The following CRACR2A variants were observed in gnomAD, a reference collection of about 807,000 sequenced individuals.
CRACR2A encodes the protein EF-hand calcium-binding domain-containing protein 4B.
CRACR2A carries 79 observed loss-of-function variants against 90.5 expected under a neutral mutation model. The observed-to-expected ratio is 0.87, with a 90% CI of 0.73 to 1.05. The LOEUF is 1.05. Ranked by LOEUF, CRACR2A falls within the 50% of genes least tolerant of loss-of-function variation. The pLI is 0.00. For missense variants in CRACR2A, 823 were observed against 897.2 expected, an observed-to-expected ratio of 0.92 and a Z score of 1.06; for synonymous variants, 338 against 356.7, an observed-to-expected ratio of 0.95 and a Z score of 0.59.
At position 3,744,677 on chromosome 12, in the gene CRACR2A, AT is replaced by A. The variant is rs879323498; in HGVS notation, c.-387+8337del. ...GAAGTGCTTTTGATTGAAGCAGATA[AT>A]TTTTTTTTTAAACCCAAACAAACAG... On this transcript the variant is annotated intron_variant, in intron 1 of 19. Transcript: ENST00000440314. 5.1e-3 allele frequency among the ~76,000 whole-genome samples: 773 copies of A among 150,846 alleles called. 5 individuals carry two copies. The highest frequency in any genetic ancestry group is 0.017 in the African/African-American group (711 of 41,196).
intron 4 of CRACR2A, among the ~76,000 whole-genome samples, chr12:3,681,026 G>T (rs867012448): frequency 6.6e-6 from 1 of 152,320 alleles, no homozygotes; most frequent in African/African-American, 2.4e-5. Flanking sequence ...CTCTCCCTAA[G>T]CCCCCTTTCC....
intron 4 of CRACR2A, among the ~76,000 whole-genome samples, chr12:3,691,609 A>T (rs918301707): frequency 2.0e-5 from 3 of 151,932 alleles, no homozygotes; most frequent in East Asian, 1.9e-4. Context: ...TCTGATTATT[A>T]TGTGTTTTGA....
At chr12:3,750,101 A>G (rs1450137769) in intron 1 of CRACR2A, among the ~76,000 whole-genome samples, 1 of 151,532 alleles carries the variant, frequency 6.6e-6, no homozygotes, top group Non-Finnish European at 1.5e-5. Flanking sequence ...AAGCCCAGCT[A>G]ATTTCTGTAT....
intron 12 of CRACR2A, among the ~76,000 whole-genome samples, chr12:3,643,650 C>T (rs889452080): frequency 8.1e-5 from 12 of 148,704 alleles, no homozygotes; most frequent in Admixed American, 1.4e-4. Flanking sequence ...CAGTGAAGAC[C>T]TTCAAATAAA....
At chr12:3,657,512 C>T (rs1009552548) in intron 8 of CRACR2A, among the ~76,000 whole-genome samples, 35 of 152,336 alleles carry the variant, frequency 2.3e-4, no homozygotes, top group African/African-American at 7.2e-4. Flanking sequence ...TGCTTCCTTG[C>T]GCATCCTCTA....
At position 3,673,451 on chromosome 12, in the gene CRACR2A, T is replaced by C. The variant is rs767897185; in HGVS notation, c.666A>G (p.Leu222=). The part of the protein sequence containing the change: ...HEEKNELECA[L]KRKIAAYDEE... ...GCTGACACTGGGGTACCCACCTTTT[T>C]AGGGCACACTCCAGTTCATTCTTCT... is the stretch of plus-strand genomic sequence containing the variant. The change falls in exon 7 of 20, where the codon CTA becomes CTG. Residue 222 remains leucine (L), a synonymous_variant. Transcript: ENST00000440314. The C allele has an allele frequency of 2.4e-5, 39 of 1,610,964 alleles. No individual in the cohort carries two copies. Among genetic ancestry groups the C allele is most frequent in the Non-Finnish European group, 3.1e-5 (37 of 1,179,238 alleles).
At chr12:3,656,993 T>C (rs779014654) in intron 8 of CRACR2A, among the ~76,000 whole-genome samples, 5 of 152,224 alleles carry the variant, frequency 3.3e-5, no homozygotes, top group Non-Finnish European at 5.9e-5. Context: ...TATCTGCTCC[T>C]TCCCTAGGCT....
At chr12:3,710,218 C>T (rs1217879123) in intron 3 of CRACR2A, among the ~76,000 whole-genome samples, 1 of 152,186 alleles carries the variant, frequency 6.6e-6, no homozygotes, top group East Asian at 1.9e-4. Flanking sequence ...CCTGTTCTCT[C>T]AGCTTTTTTG....
intron 3 of CRACR2A, among the ~76,000 whole-genome samples, chr12:3,703,249 CA>C (rs941475398): frequency 5.9e-5 from 9 of 152,124 alleles, no homozygotes; most frequent in Non-Finnish European, 1.0e-4. Flanking sequence ...CCACCACGCC[CA>C]GCTAATTTTT....
intron 3 of CRACR2A, among the ~76,000 whole-genome samples, chr12:3,702,575 T>A (rs928829822): frequency 3.9e-5 from 6 of 152,202 alleles, no homozygotes; most frequent in African/African-American, 7.2e-5. Context: ...TATGAATATA[T>A]CTGACAAAGG....
chr12:3,675,723 G>C (rs1945323640), intron 6 of CRACR2A, among the ~76,000 whole-genome samples: 1 of 151,974 alleles, frequency 6.6e-6, no homozygotes, highest in Non-Finnish European at 1.5e-5. Flanking sequence ...ATCACTTTAA[G>C]ACAAAAACCA....
chr12:3,672,663 T>C, intron 7 of CRACR2A: 1 of 713,540 alleles, frequency 1.4e-6, no homozygotes, highest in African/African-American at 1.9e-5. Flanking sequence ...ACAGTGCCCA[T>C]AACCATGCAT....
intron 2 of CRACR2A, among the ~76,000 whole-genome samples, chr12:3,725,449 C>T (rs1946247787): frequency 6.6e-6 from 1 of 152,158 alleles, no homozygotes; most frequent in South Asian, 2.1e-4. Flanking sequence ...CTCTATGTCC[C>T]TCCTCTGTGT....
chr12:3,666,331 G>GCGTGTGTGTGTT (rs1491405523), intron 7 of CRACR2A, among the ~76,000 whole-genome samples: 8 of 65,440 alleles, frequency 1.2e-4, no homozygotes, highest in Non-Finnish European at 2.5e-4. Flanking sequence ...GGACGGCTGC[G>GCGTGTGTGTGTT]TGTGTGTGTG....
chr12:3,643,856 T>TATATATAATA lies in CRACR2A; in HGVS notation c.1164+738_1164+739insTATTATATAT, dbSNP rs1478137267. Among the ~76,000 whole-genome samples, 7 of 67,346 alleles carry TATATATAATA rather than the reference T, an allele frequency of 1.0e-4. No individual in the cohort carries two copies. The East Asian group carries it at 1.9e-3, about 19-fold the overall frequency. 44.2% of individuals were successfully genotyped at this position (67,346 alleles called of 152,430 possible). ...AATATATATAATATATATTATATAT[T>TATATATAATA]TATATTATATATATTATATATATTT... is the stretch of plus-strand genomic sequence containing the variant. On this transcript the variant is annotated intron_variant, in intron 12 of 19. Coordinates refer to ENST00000440314, the MANE Select transcript of CRACR2A (RefSeq NM_001144958.2).
chr12:3,683,448 A>G (rs763196638), intron 4 of CRACR2A, among the ~76,000 whole-genome samples: 2 of 152,224 alleles, frequency 1.3e-5, no homozygotes, highest in Admixed American at 6.5e-5. Context: ...ATGAGGAGGA[A>G]CTCAGCTTCC....
At chr12:3,736,692 G>A (rs1402902079) in intron 1 of CRACR2A, among the ~76,000 whole-genome samples, 6 of 152,194 alleles carry the variant, frequency 3.9e-5, no homozygotes, top group South Asian at 2.1e-4. Flanking sequence ...GTCAGCCAAG[G>A]AGGCTCAGAA....
chr12:3,750,110 A>G lies in CRACR2A; in HGVS notation c.-387+2905T>C, dbSNP rs542028763. ...GCCACCAAGCCCAGCTAATTTCTGT[A>G]TTTTTAGTAGAAATGAGGTTTTGCC... On this transcript the variant is annotated intron_variant, in intron 1 of 19. Transcript: ENST00000440314. 1.7e-4 allele frequency among the ~76,000 whole-genome samples: 25 copies of G among 151,274 alleles called. No homozygotes were observed. The East Asian group carries it at 2.9e-3, about 18-fold the overall frequency.
intron 7 of CRACR2A, among the ~76,000 whole-genome samples, chr12:3,668,713 A>C (rs1276656489): frequency 6.6e-6 from 1 of 152,200 alleles, no homozygotes; most frequent in Non-Finnish European, 1.5e-5. Flanking sequence ...AGGCCATCAT[A>C]GCTGGGGCTG....
Sources: allele counts gnomAD v4.1 joint callset (sites outside exome capture counted in the v4.1 genomes callset), GRCh38; gene constraint gnomAD v4.1.1; transcripts MANE v1.5; gene names NCBI Gene and HGNC (gene_info 2026-07-23, HGNC 2026-07-21).